Variants in DGKB observed in about 807,000 individuals in gnomAD.
The protein encoded by DGKB is diacylglycerol kinase beta, also known as 90 kDa diacylglycerol kinase.
In DGKB, 67 loss-of-function variants were observed where a neutral mutation model predicts 114.3. That is an observed-to-expected ratio of 0.59 (90% CI 0.48 to 0.72). DGKB has a LOEUF of 0.72. Ranked by LOEUF, DGKB falls within the 30% of genes least tolerant of loss-of-function variation. The probability of loss-of-function intolerance (pLI) is 0.00; values close to 1 mark genes in which losing one functional copy is unlikely to be tolerated. For missense variants in DGKB, 907 were observed against 975.2 expected, an observed-to-expected ratio of 0.93 and a Z score of 0.93; for synonymous variants, 398 against 323.1, an observed-to-expected ratio of 1.23 and a Z score of -2.49.
intron 7 of DGKB, 71 bp downstream of exon 7, chr7:14,701,610 A>C (rs1021064162): frequency 9.0e-7 from 1 of 1,108,810 alleles, no homozygotes. Flanking sequence ...TAATAACTAC[A>C]AATTTATTCA....
chr7:14,251,620 T>TA (rs879899820), intron 23 of DGKB, among the ~76,000 whole-genome samples: 16 of 152,264 alleles, frequency 1.1e-4, no homozygotes, highest in Non-Finnish European at 2.2e-4. Flanking sequence ...TCGTATGCTT[T>TA]TATGTTAATT....
chr7:14,795,022 C>T (rs1841203779), intron 2 of DGKB, among the ~76,000 whole-genome samples: 1 of 152,176 alleles, frequency 6.6e-6, no homozygotes, highest in Admixed American at 6.5e-5. Flanking sequence ...TGCTGATTCT[C>T]TGCAGAACCG....
chr7:14,340,013 G>A (rs1811341041), intron 22 of DGKB, among the ~76,000 whole-genome samples: 1 of 151,766 alleles, frequency 6.6e-6, no homozygotes, highest in Non-Finnish European at 1.5e-5. Flanking sequence ...AGCTAGGATT[G>A]CATCTTGTTC....
chr7:14,718,521 A>G (rs751234697), intron 6 of DGKB, 21 bp downstream of exon 6: 1 of 1,594,926 alleles, frequency 6.3e-7, no homozygotes, highest in Admixed American at 1.8e-5. Flanking sequence ...CGATAAGTAA[A>G]CAAAATGAAG....
chr7:14,723,407 G>GTTTGC (rs1257365642), intron 5 of DGKB, among the ~76,000 whole-genome samples: 3 of 152,020 alleles, frequency 2.0e-5, no homozygotes, highest in Admixed American at 6.6e-5. Context: ...GGGTTTGTTT[G>GTTTGC]TTTTTTGGCC....
intron 1 of DGKB, among the ~76,000 whole-genome samples, chr7:14,947,606 G>A (rs56781293): frequency 7.2e-6 from 1 of 138,714 alleles, no homozygotes; most frequent in Non-Finnish European, 1.5e-5. Context: ...GATATATGAA[G>A]AGCTTTAAAA....
intron 21 of DGKB, among the ~76,000 whole-genome samples, chr7:14,393,110 C>G (rs1018836954): frequency 2.6e-5 from 4 of 151,126 alleles, no homozygotes; most frequent in Non-Finnish European, 5.9e-5. Flanking sequence ...CTGCCTCAGC[C>G]TCCCGCGTAG....
At chr7:14,243,152 G>GA (rs1054389342) in intron 23 of DGKB, among the ~76,000 whole-genome samples, 33 of 150,048 alleles carry the variant, frequency 2.2e-4, no homozygotes, top group Middle Eastern at 6.9e-3. Flanking sequence ...GGTAGGAAAA[G>GA]AAAAAAAAAT....
chr7:14,667,317 A>G (rs771737598), intron 13 of DGKB, among the ~76,000 whole-genome samples: 16 of 152,062 alleles, frequency 1.1e-4, no homozygotes, highest in Non-Finnish European at 2.2e-4. Flanking sequence ...ATACAAGGCT[A>G]TGTGAGCTTC....
Position 14,379,087 on chromosome 7 carries a change from G to A in DGKB, c.1836-33696C>T, listed in dbSNP as rs1291979900. Among the ~76,000 whole-genome samples the A allele has an allele frequency of 9.3e-5, 14 of 150,682 alleles. No homozygotes were observed. The South Asian group carries it at 3.0e-3, about 32-fold the overall frequency. ...ACCAACATCCTTTTTTGAGAGTACT[G>A]CAGACAATTATGTCACATACACATT... On this transcript the variant is annotated intron_variant, in intron 21 of 25. Coordinates refer to ENST00000402815, the MANE Select transcript of DGKB (RefSeq NM_001350709.2).
At chr7:14,655,638 T>C (rs1217402409) in intron 13 of DGKB, among the ~76,000 whole-genome samples, 1 of 151,724 alleles carries the variant, frequency 6.6e-6, no homozygotes, top group African/African-American at 2.4e-5. Context: ...TCAACCTAAA[T>C]GTCCATCAAT....
chr7:14,191,377 G>C (rs1784295003), intron 23 of DGKB: 1 of 157,964 alleles, frequency 6.3e-6, no homozygotes, highest in African/African-American at 2.4e-5. Flanking sequence ...TTGGAATTGT[G>C]ACAATATGCT....
chr7:14,427,983 T>C lies in DGKB; in HGVS notation c.1835+50178A>G, dbSNP rs1190130018. ...GTTTTAAATTTTCCTGTTTATACAG[T>C]TTGTTTCTACCAGCACATCAATTTT... On this transcript the variant is annotated intron_variant, in intron 21 of 25. Coordinates refer to ENST00000402815, the MANE Select transcript of DGKB (RefSeq NM_001350709.2). Among the ~76,000 whole-genome samples, 6 of 152,268 alleles carry C rather than the reference T, an allele frequency of 3.9e-5. No individual in the cohort carries two copies. The East Asian group carries it at 1.2e-3, about 29-fold the overall frequency.
chr7:14,171,585 G>A lies in DGKB; in HGVS notation c.2304+5254C>T, dbSNP rs1386338749. Among the ~76,000 whole-genome samples the A allele has an allele frequency of 2.0e-5, 3 of 152,242 alleles. No homozygotes were observed. The East Asian group carries it at 5.8e-4, about 29-fold the overall frequency. ...AATCATACCATACAGGAAATAGAAG[G>A]ATTAAATCTTTTGAGATTGAGAAAG... On this transcript the variant is annotated intron_variant, in intron 25 of 25. Coordinates refer to ENST00000402815, the MANE Select transcript of DGKB (RefSeq NM_001350709.2).
At chr7:14,745,753 G>T (rs566887750) in intron 4 of DGKB, among the ~76,000 whole-genome samples, 1 of 151,658 alleles carries the variant, frequency 6.6e-6, no homozygotes, top group Non-Finnish European at 1.5e-5. Flanking sequence ...TCTTTTCTGA[G>T]CACTTTCCTT....
At chr7:14,427,106 G>C (rs369326092) in intron 21 of DGKB, among the ~76,000 whole-genome samples, 16 of 152,040 alleles carry the variant, frequency 1.1e-4, no homozygotes, top group African/African-American at 3.4e-4. Flanking sequence ...GGAGTGGGGG[G>C]TGGGAGAGCA....
At chr7:14,973,795 T>A (rs1413198101) in intron 1 of DGKB, among the ~76,000 whole-genome samples, 1 of 148,854 alleles carries the variant, frequency 6.7e-6, no homozygotes, top group African/African-American at 2.4e-5. Context: ...AGTAAAATTT[T>A]AAATTTCAGA....
intron 23 of DGKB, chr7:14,209,618 T>C (rs1375317860): frequency 4.9e-6 from 2 of 411,488 alleles, no homozygotes; most frequent in Admixed American, 6.6e-5. Context: ...AGGTAAGCTT[T>C]ACCAATCTCC....
chr7:14,810,634 A>G (rs541658733), intron 2 of DGKB, among the ~76,000 whole-genome samples: 1 of 152,100 alleles, frequency 6.6e-6, no homozygotes, highest in Admixed American at 6.6e-5. Flanking sequence ...TCACACTGTC[A>G]TGCAGCCTGC....
Sources: allele counts gnomAD v4.1 joint callset (sites outside exome capture counted in the v4.1 genomes callset), GRCh38; gene constraint gnomAD v4.1.1; transcripts MANE v1.5; gene names NCBI Gene and HGNC (gene_info 2026-07-23, HGNC 2026-07-21).